The following HACD4 variants were observed in gnomAD, a reference collection of about 807,000 sequenced individuals.
HACD4 encodes very-long-chain (3R)-3-hydroxyacyl-CoA dehydratase 4.
Under a neutral mutation model 33.3 loss-of-function variants are expected in HACD4, and 35 were observed. The ratio of observed to expected loss-of-function variants is 1.05; its 90% CI spans 0.80 to 1.39. HACD4 has a LOEUF of 1.39. HACD4 is among the 40% of genes most tolerant of loss of function. HACD4 has a pLI of 0.00. For missense variants in HACD4, 323 were observed against 276.5 expected (o/e 1.17, Z -1.19); for synonymous variants, 118 against 98.0 (o/e 1.20, Z -1.21).
At chr9:21,029,541 G>T in intron 1 of HACD4, 143 bp from the exon 2 acceptor site, 3 of 476,168 alleles carry the variant, frequency 6.3e-6, no homozygotes, top group Non-Finnish European at 1.1e-5. Context: ...TTACCCCCAA[G>T]TACATATCAG....
intron 1 of HACD4, among the ~76,000 whole-genome samples, chr9:21,031,042 A>G (rs1170243762): frequency 6.6e-6 from 1 of 152,166 alleles, no homozygotes; most frequent in African/African-American, 2.4e-5. Context: ...AGGAACTGCT[A>G]AAGGGTTTGG....
intron 5 of HACD4, among the ~76,000 whole-genome samples, chr9:21,009,495 G>T (rs551504368): frequency 6.6e-6 from 1 of 152,150 alleles, no homozygotes; most frequent in South Asian, 2.1e-4. Flanking sequence ...CCTAGGAAGG[G>T]ATTAGTCATA....
At chr9:21,007,262 G>C (rs185977748) in intron 6 of HACD4, 143 bp from the exon 7 acceptor site, 1 of 606,258 alleles carries the variant, frequency 1.6e-6, no homozygotes, top group East Asian at 2.8e-5. Flanking sequence ...AATGTTTAAA[G>C]AAGTGTCCAG....
At chr9:21,021,194 A>C (rs1323640209) in intron 3 of HACD4, among the ~76,000 whole-genome samples, 2 of 152,204 alleles carry the variant, frequency 1.3e-5, no homozygotes, top group African/African-American at 4.8e-5. Flanking sequence ...CATGCTAAAA[A>C]ATCTCCATAA....
In HACD4 at chr9:21,002,902, G is replaced by A. The variant is rs758073846; in HGVS notation, c.*4135C>T. On this transcript the variant is annotated 3_prime_UTR_variant, in exon 7 of 7. Transcript: ENST00000495827. ...AGATAGTCAAAGACATCAACTTTGC[G>A]ATTTTGGTAACATCCGATTAACCAG... 14 of 152,118 alleles carry A rather than the reference G, an allele frequency of 9.2e-5. No individual in the cohort carries two copies. Among genetic ancestry groups the A allele is most frequent in the Non-Finnish European group, 1.6e-4 (11 of 67,976 alleles). The allele number at this position is 152,118 out of a possible 1,614,324, so 9.4% of individuals were successfully genotyped here.
intron 1 of HACD4, 172 bp downstream of exon 1, chr9:21,031,381 G>C (rs1347220132): frequency 1.2e-6 from 1 of 846,342 alleles, no homozygotes; most frequent in South Asian, 5.3e-5. Flanking sequence ...GTGGTCAAGA[G>C]GGGTAAGTTA....
chr9:21,018,756 A>G (rs1042207674), intron 3 of HACD4, among the ~76,000 whole-genome samples: 2 of 152,182 alleles, frequency 1.3e-5, no homozygotes, highest in Non-Finnish European at 2.9e-5. Context: ...TACATTAAAC[A>G]TAGTGATAAT....
Position 21,004,565 on chromosome 9 carries a change from C to CAT in HACD4, c.*2470_*2471dup, listed in dbSNP as rs1333925340. On this transcript the variant is annotated 3_prime_UTR_variant, in exon 7 of 7. Transcript: ENST00000495827. This position sits in a 1 kb window ranked among gnomAD's most constrained non-coding sequence, Gnocchi z 4.6. ...TGTGAACATATAGCAAGAAGGCATT[C>CAT]ATCTGCAAACCATGAAGAAGAATCA... The CAT allele has an allele frequency of 6.6e-6, 1 of 152,234 alleles. No individual in the cohort carries two copies. The highest frequency in any genetic ancestry group is 6.5e-5 in the Admixed American group (1 of 15,276). The allele number at this position is 152,234 out of a possible 1,614,324, so 9.4% of individuals were successfully genotyped here.
At chr9:21,024,833 C>G (rs1038437374) in intron 3 of HACD4, among the ~76,000 whole-genome samples, 5 of 152,130 alleles carry the variant, frequency 3.3e-5, no homozygotes, top group Non-Finnish European at 7.4e-5. Flanking sequence ...CAATAGAAAA[C>G]ATAACTGAGA....
chr9:21,002,284 A>G lies in HACD4; in HGVS notation c.*4753T>C, dbSNP rs921799268. ...ACTATAAAAAAGTAAACTACACACA[A>G]AAGACGTAATGCAGGAAATGAGGGA... On this transcript the variant is annotated 3_prime_UTR_variant, in exon 7 of 7. Coordinates refer to ENST00000495827, the MANE Select transcript of HACD4 (RefSeq NM_001010915.5). 2 of 152,146 alleles carry G rather than the reference A, an allele frequency of 1.3e-5. No homozygotes were observed. The highest frequency in any genetic ancestry group is 2.4e-5 in the African/African-American group (1 of 41,448). 9.4% of individuals were successfully genotyped at this position (152,146 alleles called of 1,614,324 possible). A position where few individuals can be genotyped will look rare whatever the true frequency, so the allele number is the denominator to read the frequency against.
intron 3 of HACD4, among the ~76,000 whole-genome samples, chr9:21,026,059 C>T (rs1031176410): frequency 3.3e-5 from 5 of 152,210 alleles, no homozygotes; most frequent in Admixed American, 1.3e-4. Context: ...TTTCCATTGA[C>T]GTTTAGTAAA....
chr9:21,016,318 T>G (rs1250268291), intron 3 of HACD4, among the ~76,000 whole-genome samples: 1 of 152,198 alleles, frequency 6.6e-6, no homozygotes, highest in Non-Finnish European at 1.5e-5. Flanking sequence ...CTTTATTGAG[T>G]GTCCACTGTG....
intron 5 of HACD4, among the ~76,000 whole-genome samples, chr9:21,008,968 G>C (rs1842342672): frequency 6.6e-6 from 1 of 152,102 alleles, no homozygotes; most frequent in Non-Finnish European, 1.5e-5. Context: ...GAGCCAAGCA[G>C]AGGTATGAGT....
chr9:21,019,203 A>G (rs1817836005), intron 3 of HACD4, among the ~76,000 whole-genome samples: 2 of 152,108 alleles, frequency 1.3e-5, no homozygotes, highest in South Asian at 4.1e-4. Flanking sequence ...TGTGAACAAG[A>G]CCAAGCCCCT....
rs553380802 is a variant in HACD4 at position 21,023,641 on chromosome 9, C to A, written c.270+2955G>T. Reference sequence around the variant, plus strand: ...CCAGGCTGGAGTGCAGTGGCCTGATCTCTGCTCACTGTAATCTCTGCCTCC... The same window carrying A: ...CCAGGCTGGAGTGCAGTGGCCTGATATCTGCTCACTGTAATCTCTGCCTCC... On this transcript the variant is annotated intron_variant, in intron 3 of 6. Transcript: ENST00000495827. Among the ~76,000 whole-genome samples the A allele has an allele frequency of 9.6e-5, 14 of 145,554 alleles. No individual in the cohort carries two copies. The South Asian group carries it at 2.4e-3, about 25-fold the overall frequency.
rs546628038 is a variant in HACD4, at chr9:21,001,854, C to T, written c.*5183G>A. 6.6e-6 allele frequency: 1 copy of T among 152,050 alleles called. No individual in the cohort carries two copies. Among genetic ancestry groups the T allele is most frequent in the African/African-American group, 2.4e-5 (1 of 41,396 alleles). The allele number at this position is 152,050 out of a possible 1,614,324, so 9.4% of individuals were successfully genotyped here. A position where few individuals can be genotyped will look rare whatever the true frequency, so the allele number is the denominator to read the frequency against. On this transcript the variant is annotated 3_prime_UTR_variant, in exon 7 of 7. Transcript: ENST00000495827. ...GAAAGTATGTTACCACTAGACCTGC[C>T]CCTGCCAGAAATGCTAATAGGGGTC...
chr9:21,026,451 G>T (rs988418700), intron 3 of HACD4, 145 bp downstream of exon 3: 1 of 672,838 alleles, frequency 1.5e-6, no homozygotes, highest in East Asian at 2.6e-5. Flanking sequence ...TTACAATAAG[G>T]TTGTCCTTCC....
intron 5 of HACD4, 149 bp from the exon 6 acceptor site, chr9:21,008,295 T>C (rs1842322150): frequency 3.0e-6 from 2 of 661,056 alleles, no homozygotes; most frequent in Non-Finnish European, 4.7e-6. Context: ...CCTAGTTTAA[T>C]ATAGAAATCT....
At chr9:21,025,570 C>T (rs1446787664) in intron 3 of HACD4, among the ~76,000 whole-genome samples, 3 of 152,142 alleles carry the variant, frequency 2.0e-5, no homozygotes, top group Admixed American at 6.5e-5. Flanking sequence ...ACTTGAAACT[C>T]GTGTTCTTAT....
Sources: allele counts gnomAD v4.1 joint callset (sites outside exome capture counted in the v4.1 genomes callset), GRCh38; gene constraint gnomAD v4.1.1; non-coding constraint Gnocchi (gnomAD v3.1); transcripts MANE v1.5; gene names NCBI Gene and HGNC (gene_info 2026-07-23, HGNC 2026-07-21).